Variants in UBE3A observed in about 807,000 individuals in gnomAD.
The protein encoded by UBE3A is ubiquitin protein ligase E3A.
Under a neutral mutation model 83.4 loss-of-function variants are expected in UBE3A, and 6 were observed. That is an observed-to-expected ratio of 0.07 (90% confidence interval 0.04 to 0.14). The LOEUF (loss-of-function observed/expected upper bound fraction) is 0.14. Among genes scored for constraint, UBE3A ranks in the 10% least tolerant of loss-of-function variants. The pLI is 1.00. For synonymous variants in UBE3A, 337 were observed against 355.4 expected, an observed-to-expected ratio of 0.95 and a Z score of 0.58; for missense variants, 456 against 1,036.1, an observed-to-expected ratio of 0.44 and a Z score of 7.69.
At chr15:25,381,564 A>G (rs2082174144) in intron 4 of UBE3A, among the ~76,000 whole-genome samples, 1 of 152,212 alleles carries the variant, frequency 6.6e-6, no homozygotes, top group African/African-American at 2.4e-5. Context: ...AAGGTAAAGC[A>G]GAATGAACAT....
chr15:25,354,063 C>A, intron 11 of UBE3A: 1 of 454,538 alleles, frequency 2.2e-6, no homozygotes, highest in Non-Finnish European at 4.0e-6. Flanking sequence ...TTTTAATTAT[C>A]TTCTAACCAG....
chr15:25,381,720 A>G (rs1317465697), intron 4 of UBE3A, among the ~76,000 whole-genome samples: 1 of 152,202 alleles, frequency 6.6e-6, no homozygotes, highest in African/African-American at 2.4e-5. Context: ...TCCATCTCAA[A>G]GTTATTTTTA....
At chr15:25,339,862 T>C in intron 12 of UBE3A, 1 of 576,842 alleles carries the variant, frequency 1.7e-6, no homozygotes, top group Non-Finnish European at 3.0e-6. Context: ...CTAATTTGAT[T>C]CCAAACCAAT....
At chr15:25,436,769 A>G (rs926099290) in intron 1 of UBE3A, among the ~76,000 whole-genome samples, 1 of 152,178 alleles carries the variant, frequency 6.6e-6, no homozygotes, top group Non-Finnish European at 1.5e-5. Flanking sequence ...GGGAAAAAAA[A>G]GGGCAGAATT....
rs2073886619 is a variant in UBE3A, at chr15:25,334,916, TTCAA to T, written c.*4217_*4220del. On this transcript the variant is annotated 3_prime_UTR_variant, in exon 13 of 13. Transcript: ENST00000648336. ...ACATTCTACTGCATGCTCGGTCATT[TTCAA>T]TCATTTAGGTGGCAACACTGACAAG... 6.6e-6 allele frequency: 1 copy of T among 152,162 alleles called. No homozygotes were observed. The highest frequency in any genetic ancestry group is 2.4e-5 in the African/African-American group (1 of 41,426). The allele number at this position is 152,162 out of a possible 1,614,324, so 9.4% of individuals were successfully genotyped here.
chr15:25,352,429 A>G (rs2076641091), intron 11 of UBE3A, among the ~76,000 whole-genome samples: 1 of 152,186 alleles, frequency 6.6e-6, no homozygotes, highest in Non-Finnish European at 1.5e-5. Flanking sequence ...AGTCACACAA[A>G]TTTTTTTGTT....
chr15:25,339,393 A>G, intron 12 of UBE3A, 136 bp from the exon 13 acceptor site: 1 of 1,145,480 alleles, frequency 8.7e-7, no homozygotes, highest in Non-Finnish European at 1.2e-6. Flanking sequence ...TGCAAATCAT[A>G]AACTTTTTGT....
intron 3 of UBE3A, chr15:25,407,843 TTC>T (rs1435795421): frequency 6.6e-6 from 1 of 152,224 alleles, no homozygotes; most frequent in African/African-American, 2.4e-5. Flanking sequence ...TTATAATAGT[TTC>T]TGTCTGAATG....
At chr15:25,357,859 C>CAAA (rs1372816045) in intron 7 of UBE3A, among the ~76,000 whole-genome samples, 4 of 145,864 alleles carry the variant, frequency 2.7e-5, no homozygotes, top group Non-Finnish European at 6.0e-5. Context: ...CGTAGTCTTT[C>CAAA]AATTTCACAT....
Position 25,371,923 on chromosome 15 carries a change from T to G in UBE3A, c.362-111A>C. On this transcript the variant is annotated intron_variant, in intron 5 of 12. Coordinates refer to ENST00000648336, the MANE Select transcript of UBE3A (RefSeq NM_130839.5). The surrounding 1 kb of genome is among the most constrained non-coding windows in gnomAD (Gnocchi z 5.3). ...CCAAACATTCTAGGCTCAATATCATTTATGATATACAACTCTTAAAGTATC... is the reference window on the plus strand; with the variant it reads ...CCAAACATTCTAGGCTCAATATCATGTATGATATACAACTCTTAAAGTATC... The G allele has an allele frequency of 9.6e-7, 1 of 1,042,130 alleles. No homozygotes were observed. The highest frequency in any genetic ancestry group is 1.6e-5 in the South Asian group (1 of 62,512). 64.6% of individuals were successfully genotyped at this position (1,042,130 alleles called of 1,614,324 possible). A position where few individuals can be genotyped will look rare whatever the true frequency, so the allele number is the denominator to read the frequency against.
intron 1 of UBE3A, among the ~76,000 whole-genome samples, 172 bp from the exon 2 acceptor site, chr15:25,412,143 G>A (rs1487875424): frequency 1.3e-5 from 2 of 151,754 alleles, no homozygotes; most frequent in African/African-American, 4.8e-5. Context: ...GGAAAGCATA[G>A]GTAGGCAGGC....
chr15:25,398,771 T>TTTTATATATATA (rs1555415735), intron 4 of UBE3A, among the ~76,000 whole-genome samples: 2 of 68,936 alleles, frequency 2.9e-5, no homozygotes, highest in Non-Finnish European at 6.4e-5. Context: ...ATTCTTTTAT[T>TTTTATATATATA]TATATATATA....
At chr15:25,356,173 G>T in intron 8 of UBE3A, 117 bp from the exon 9 acceptor site, 1 of 1,291,242 alleles carries the variant, frequency 7.7e-7, no homozygotes, top group Non-Finnish European at 1.1e-6. Flanking sequence ...TGTAAAAAGT[G>T]TAGACAGTAT....
At position 25,370,533 on chromosome 15, in the gene UBE3A, T is replaced by A. The variant is rs1657296497; in HGVS notation, c.1608+33A>T. ...ACTGAACTGTATCATGATATCCCCA[T>A]TATTAGGTTTTTAATCTAGCAGCCC... On this transcript the variant is annotated intron_variant, in intron 6 of 12. Coordinates refer to ENST00000648336, the MANE Select transcript of UBE3A (RefSeq NM_130839.5). This position sits in a 1 kb window ranked among gnomAD's most constrained non-coding sequence, Gnocchi z 4.2. 1.2e-5 allele frequency: 19 copies of A among 1,611,780 alleles called. No individual in the cohort carries two copies. The highest frequency in any genetic ancestry group is 1.6e-5 in the Non-Finnish European group (19 of 1,177,916).
At chr15:25,408,685 C>T in intron 3 of UBE3A, 1 of 1,603,722 alleles carries the variant, frequency 6.2e-7, no homozygotes, top group African/African-American at 1.3e-5. Flanking sequence ...CTGTAACTCT[C>T]TAGGAGAGAA....
chr15:25,409,990 G>T (rs60658008), intron 2 of UBE3A, among the ~76,000 whole-genome samples: 1 of 146,838 alleles, frequency 6.8e-6, no homozygotes. Context: ...TCTGGGGACT[G>T]TTGTGGGGTG....
chr15:25,395,655 T>C (rs928333977), intron 4 of UBE3A, among the ~76,000 whole-genome samples: 2 of 152,100 alleles, frequency 1.3e-5, no homozygotes, highest in East Asian at 1.9e-4. Flanking sequence ...CAGGTTAAGT[T>C]TGAGAACCAG....
intron 4 of UBE3A, among the ~76,000 whole-genome samples, chr15:25,384,034 A>C (rs1454101635): frequency 6.6e-6 from 1 of 152,224 alleles, no homozygotes; most frequent in Non-Finnish European, 1.5e-5. Flanking sequence ...AAAGAGTTGC[A>C]TTTCTAAATA....
intron 4 of UBE3A, among the ~76,000 whole-genome samples, chr15:25,379,271 T>C (rs1454000370): frequency 6.6e-6 from 1 of 152,232 alleles, no homozygotes; most frequent in Non-Finnish European, 1.5e-5. Context: ...TAATTGTTAC[T>C]ATCACCCTCA....
Sources: allele counts gnomAD v4.1 joint callset (sites outside exome capture counted in the v4.1 genomes callset), GRCh38; gene constraint gnomAD v4.1.1; non-coding constraint Gnocchi (gnomAD v3.1); transcripts MANE v1.5; gene names NCBI Gene and HGNC (gene_info 2026-07-23, HGNC 2026-07-21).